CFAP43: variants seen among roughly 807,000 people sequenced by gnomAD.
CFAP43 encodes the protein cilia and flagella associated protein 43, also known as cilia- and flagella-associated protein 43.
Under a neutral mutation model 218.9 loss-of-function variants are expected in CFAP43, and 155 were observed. The ratio of observed to expected loss-of-function variants is 0.71; its 90% CI spans 0.62 to 0.81. The LOEUF (loss-of-function observed/expected upper bound fraction) is 0.81, where lower values mean the gene tolerates loss of function less well. Ranked by LOEUF, CFAP43 falls within the 30% of genes least tolerant of loss-of-function variation. The pLI, the probability that CFAP43 is intolerant of heterozygous loss-of-function variation, is 0.00. For missense variants in CFAP43, 1,778 were observed against 1,954.3 expected (o/e 0.91, Z 1.70); for synonymous variants, 645 against 681.3 (o/e 0.95, Z 0.83).
chr10:104,219,186 G>A (rs1476365690), intron 3 of CFAP43, among the ~76,000 whole-genome samples: 1 of 150,092 alleles, frequency 6.7e-6, no homozygotes, highest in Non-Finnish European at 1.5e-5. Context: ...TCCCTAAGTT[G>A]CCCAAGTCAC....
At chr10:104,157,775 TGA>T (rs139314213) in intron 27 of CFAP43, among the ~76,000 whole-genome samples, 1,270 of 89,852 alleles carry the variant, frequency 0.014, 12 homozygotes, top group East Asian at 0.034. Flanking sequence ...TGTGTGTGTG[TGA>T]GAGAGAGAGA....
At chr10:104,132,565 A>AT in intron 35 of CFAP43, 2 of 820,332 alleles carry the variant, frequency 2.4e-6, no homozygotes, top group Non-Finnish European at 2.9e-6. Context: ...TAGTGAGCGG[A>AT]TATCACACCA....
In CFAP43 at chr10:104,140,702, A is replaced by G. The variant is rs1589622001; in HGVS notation, c.4431+140T>C. On this transcript the variant is annotated intron_variant, in intron 34 of 37. Coordinates refer to ENST00000357060, the MANE Select transcript of CFAP43 (RefSeq NM_025145.7). ...GTGGTGTGAACCTGTACTCCCAGCT[A>G]CTTGGGAGGTGAAGGTGGGAGGATC... 6 of 610,902 alleles carry G rather than the reference A, an allele frequency of 9.8e-6. No homozygotes were observed. The East Asian group carries it at 1.9e-4, about 19-fold the overall frequency. The allele number at this position is 610,902 out of a possible 1,614,324, so 37.8% of individuals were successfully genotyped here. A position where few individuals can be genotyped will look rare whatever the true frequency, so the allele number is the denominator to read the frequency against.
At chr10:104,185,269 A>G in intron 15 of CFAP43, 123 bp from the exon 16 acceptor site, 2 of 1,306,038 alleles carry the variant, frequency 1.5e-6, no homozygotes, top group Non-Finnish European at 2.1e-6. Flanking sequence ...CAGCATTTTA[A>G]TTGGTATGGA....
chr10:104,200,568 G>A (rs1485260912), intron 8 of CFAP43, among the ~76,000 whole-genome samples: 1 of 151,380 alleles, frequency 6.6e-6, no homozygotes, highest in Non-Finnish European at 1.5e-5. Flanking sequence ...CTACTCAGAA[G>A]GCTGAGGCAT....
chr10:104,160,914 G>A (rs2088834776), intron 27 of CFAP43, 123 bp downstream of exon 27: 1 of 974,700 alleles, frequency 1.0e-6, no homozygotes, highest in East Asian at 2.8e-5. Flanking sequence ...ATTCTCTTGA[G>A]AATTTAAGCT....
chr10:104,131,635 T>TA, intron 36 of CFAP43, 151 bp from the exon 37 acceptor site: 1 of 890,886 alleles, frequency 1.1e-6, no homozygotes, highest in Non-Finnish European at 1.6e-6. Context: ...TAGTAGGCAC[T>TA]CGAGTTATTT....
At chr10:104,141,815 G>C (rs1226369680) in intron 33 of CFAP43, among the ~76,000 whole-genome samples, 2 of 152,060 alleles carry the variant, frequency 1.3e-5, no homozygotes, top group East Asian at 1.9e-4. Flanking sequence ...TATCGATGAG[G>C]CTATAAATAT....
chr10:104,179,155 C>CAGAG (rs60561340), intron 18 of CFAP43, 49 bp from the exon 19 acceptor site: 224 of 1,066,586 alleles, frequency 2.1e-4, no homozygotes, highest in East Asian at 3.0e-4. Context: ...AAATATCAGA[C>CAGAG]AGAGAGAGAG....
chr10:104,213,966 T>A (rs1021886363), intron 4 of CFAP43, among the ~76,000 whole-genome samples: 1 of 152,194 alleles, frequency 6.6e-6, no homozygotes, highest in Non-Finnish European at 1.5e-5. Flanking sequence ...ACAAATAAAA[T>A]TTTAGAAAAT....
At chr10:104,202,922 G>A (rs1167004616) in intron 8 of CFAP43, among the ~76,000 whole-genome samples, 2 of 151,376 alleles carry the variant, frequency 1.3e-5, no homozygotes, top group Non-Finnish European at 2.9e-5. Context: ...AATTTTGTTT[G>A]CAATTCATCT....
intron 5 of CFAP43, among the ~76,000 whole-genome samples, chr10:104,209,863 TG>T (rs1206707636): frequency 3.3e-5 from 5 of 152,224 alleles, no homozygotes; most frequent in African/African-American, 4.8e-5. Flanking sequence ...CCACAGGGGA[TG>T]GGTTCCAGGA....
intron 37 of CFAP43, among the ~76,000 whole-genome samples, chr10:104,130,633 A>G (rs1199431205): frequency 1.3e-5 from 2 of 152,186 alleles, no homozygotes. Flanking sequence ...ACAGAAAACC[A>G]AATACCACAT....
intron 2 of CFAP43, among the ~76,000 whole-genome samples, chr10:104,229,837 CTTGACTTTAGAAGCTATACAAACATCAA>C (rs1405198603): frequency 6.6e-5 from 10 of 152,068 alleles, no homozygotes; most frequent in African/African-American, 2.4e-4. Flanking sequence ...GGCTCAGAGA[CTTGACTTTAGAAGCTATACAAACATCAA>C]TTCACCTGGA....
rs749540388 is a variant in CFAP43 at position 104,164,131 on chromosome 10, T to C, written c.3209A>G (p.Glu1070Gly). 183 of 1,614,188 alleles carry C rather than the reference T, an allele frequency of 1.1e-4. 1 individual carries two copies. The highest frequency in any genetic ancestry group is 1.6e-4 in the Middle Eastern group (1 of 6,062). The change falls in exon 24 of 38, where the codon GAG becomes GGG. Residue 1070 changes from glutamate to glycine, a missense_variant. Physicochemically the swap from Glu to Gly is moderately conservative, Grantham distance 98. Around this residue, in one of 3 missense-constraint regions of CFAP43, gnomAD observed 1,553 missense variants for 1,685.2 expected, o/e 0.92. Transcript: ENST00000357060. ...CACAACAAGCGTTCTCTCTGGCTTCTCACAGTCTTCAAATTCTGGTTGCCA... is the reference window on the plus strand; with the variant it reads ...CACAACAAGCGTTCTCTCTGGCTTCCCACAGTCTTCAAATTCTGGTTGCCA... ...AVWQPEFEDC[E>G]KPERTLVVQD...
intron 27 of CFAP43, among the ~76,000 whole-genome samples, chr10:104,153,723 A>G (rs992061399): frequency 1.3e-5 from 2 of 152,114 alleles, no homozygotes; most frequent in Admixed American, 1.3e-4. Context: ...TTTCAAAGTC[A>G]CCAACTGTAG....
intron 13 of CFAP43, among the ~76,000 whole-genome samples, chr10:104,188,037 G>C (rs975290864): frequency 3.3e-5 from 5 of 152,254 alleles, no homozygotes; most frequent in Non-Finnish European, 4.4e-5. Context: ...TGATGTGTCC[G>C]TTGATCCTAT....
At chr10:104,206,557 TA>T (rs2090696055) in intron 6 of CFAP43, among the ~76,000 whole-genome samples, 1 of 152,154 alleles carries the variant, frequency 6.6e-6, no homozygotes, top group Non-Finnish European at 1.5e-5. Context: ...AGCTGGGTGT[TA>T]AAAGTGGCCT....
chr10:104,179,800 C>G (rs773868833), intron 18 of CFAP43, 40 bp downstream of exon 18: 14 of 1,459,096 alleles, frequency 9.6e-6, no homozygotes, highest in Non-Finnish European at 1.3e-5. Context: ...GGTGCATCTA[C>G]AGAGCACTAT....
Sources: allele counts gnomAD v4.1 joint callset (sites outside exome capture counted in the v4.1 genomes callset), GRCh38; gene constraint gnomAD v4.1.1; regional missense constraint gnomAD v4.1.1; transcripts MANE v1.5; gene names NCBI Gene and HGNC (gene_info 2026-07-23, HGNC 2026-07-21).